ACCSL: variants seen among roughly 807,000 people sequenced by gnomAD.
ACCSL encodes 1-aminocyclopropane-1-carboxylate synthase homolog (inactive) like, also known as probable inactive 1-aminocyclopropane-1-carboxylate synthase-like protein 2.
In ACCSL, 55 loss-of-function variants were observed where a neutral mutation model predicts 61.7. That is an observed-to-expected ratio of 0.89 (90% CI 0.72 to 1.12). The LOEUF (loss-of-function observed/expected upper bound fraction) is 1.12, where lower values mean the gene tolerates loss of function less well. ACCSL is among the 50% of genes most tolerant of loss of function. The pLI is 0.00. For synonymous variants in ACCSL, 258 were observed against 264.3 expected (o/e 0.98, Z 0.23); for missense variants, 632 against 698.0 (o/e 0.91, Z 1.07).
the ACCSL span, among the ~76,000 whole-genome samples, chr11:44,039,396 C>T: frequency 2.0e-5 from 3 of 152,046 alleles, no homozygotes; most frequent in African/African-American, 7.2e-5. Flanking sequence ...AGTGAAGTAA[C>T]TCAGGAATGG....
the ACCSL span, among the ~76,000 whole-genome samples, chr11:44,016,002 A>G: frequency 6.6e-6 from 1 of 152,186 alleles, no homozygotes; most frequent in African/African-American, 2.4e-5. Flanking sequence ...TCCAATAAAA[A>G]TATTCTTCTT....
At chr11:44,001,853 G>A in the ACCSL span, among the ~76,000 whole-genome samples, 3 of 144,934 alleles carry the variant, frequency 2.1e-5, no homozygotes, top group Admixed American at 2.1e-4. Flanking sequence ...TCCCCGACAG[G>A]CTCCTTCTTC....
the ACCSL span, chr11:43,942,956 G>A: frequency 6.8e-7 from 1 of 1,479,270 alleles, no homozygotes; most frequent in Admixed American, 2.4e-5. Context: ...TTACCAGGCG[G>A]TGATGCCGCA....
At chr11:44,004,995 C>CGGA in the ACCSL span, among the ~76,000 whole-genome samples, 3 of 152,138 alleles carry the variant, frequency 2.0e-5, no homozygotes, top group African/African-American at 7.2e-5. Flanking sequence ...ATATGTTTTT[C>CGGA]GGAGGCCCAC....
the ACCSL span, among the ~76,000 whole-genome samples, chr11:43,929,930 G>A: frequency 3.3e-5 from 5 of 152,228 alleles, no homozygotes; most frequent in African/African-American, 9.6e-5. Flanking sequence ...GGGAAAGGGA[G>A]GACCCAGCCT....
At chr11:43,928,459 C>T in the ACCSL span, among the ~76,000 whole-genome samples, 1 of 152,202 alleles carries the variant, frequency 6.6e-6, no homozygotes, top group Non-Finnish European at 1.5e-5. Context: ...TCCATGACCA[C>T]AGTCAGACTT....
chr11:43,933,907 A>G, the ACCSL span, among the ~76,000 whole-genome samples: 1 of 152,240 alleles, frequency 6.6e-6, no homozygotes, highest in South Asian at 2.1e-4. Context: ...CAGCCCTGCC[A>G]TGGCAGCCGC....
chr11:43,985,665 C>T, the ACCSL span, among the ~76,000 whole-genome samples: 2 of 152,180 alleles, frequency 1.3e-5, no homozygotes, highest in African/African-American at 4.8e-5. Context: ...ACATGGCAAA[C>T]AGGAAAAGAG....
At chr11:44,022,655 G>A in the ACCSL span, among the ~76,000 whole-genome samples, 2 of 152,048 alleles carry the variant, frequency 1.3e-5, no homozygotes, top group Non-Finnish European at 2.9e-5. Flanking sequence ...ATTTTTGGAT[G>A]TTAACACAAT....
At chr11:43,943,820 A>G in the ACCSL span, 1 of 1,301,856 alleles carries the variant, frequency 7.7e-7, no homozygotes, top group Non-Finnish European at 1.0e-6. This position sits in a 1 kb window ranked among gnomAD's most constrained non-coding sequence, Gnocchi z 4.8. Context: ...CGATCTTTTT[A>G]CCTGGATATG....
At chr11:43,953,480 C>T in the ACCSL span, among the ~76,000 whole-genome samples, 57 of 145,310 alleles carry the variant, frequency 3.9e-4, 1 homozygote, top group African/African-American at 1.3e-3. Flanking sequence ...AAGATCACAC[C>T]ATTGCACTCC....
chr11:44,054,816 G>A (rs1453557777), intron 8 of ACCSL, among the ~76,000 whole-genome samples: 1 of 152,172 alleles, frequency 6.6e-6, no homozygotes, highest in Non-Finnish European at 1.5e-5. Context: ...GAGAATGAAT[G>A]AGGCACATAA....
the ACCSL span, among the ~76,000 whole-genome samples, chr11:43,951,582 C>T: frequency 2.0e-5 from 3 of 152,148 alleles, no homozygotes; most frequent in African/African-American, 7.2e-5. Context: ...CCAAGAAAAC[C>T]AGGAATAGCA....
At chr11:44,040,815 T>A in the ACCSL span, among the ~76,000 whole-genome samples, 1 of 152,120 alleles carries the variant, frequency 6.6e-6, no homozygotes, top group East Asian at 1.9e-4. Context: ...GGCTCATGGA[T>A]CCCCAAAAGT....
intron 10 of ACCSL, 38 bp from the exon 11 acceptor site, chr11:44,056,147 C>T: frequency 6.2e-7 from 1 of 1,614,172 alleles, no homozygotes; most frequent in Non-Finnish European, 8.5e-7. Flanking sequence ...AGAAGGCAGA[C>T]AAAACACTTG....
chr11:44,058,189 AACAG>A (rs1952683233), intron 11 of ACCSL, 124 bp from the exon 12 acceptor site: 3 of 1,209,164 alleles, frequency 2.5e-6, no homozygotes, highest in Non-Finnish European at 3.4e-6. Flanking sequence ...TTTTTTTAAA[AACAG>A]ACAAACAAAA....
chr11:43,959,619 G>A, the ACCSL span, among the ~76,000 whole-genome samples: 1 of 152,322 alleles, frequency 6.6e-6, no homozygotes, highest in Admixed American at 6.5e-5. Context: ...CCTAGCCCTG[G>A]CTCTACTCTG....
the ACCSL span, among the ~76,000 whole-genome samples, chr11:43,972,469 G>A: frequency 1.3e-5 from 2 of 152,192 alleles, no homozygotes; most frequent in African/African-American, 2.4e-5. Flanking sequence ...ATGTGATTGA[G>A]GTGTTGTTGG....
the ACCSL span, chr11:43,942,930 T>A: frequency 7.0e-7 from 1 of 1,431,394 alleles, no homozygotes; most frequent in Non-Finnish European, 9.1e-7. Context: ...GGCGAGCTGA[T>A]GGGCATCTGC....
Sources: gnomAD v4.1 joint callset for allele counts (sites outside exome capture counted in the v4.1 genomes callset) on GRCh38, gnomAD v4.1.1 for gene constraint, Gnocchi (gnomAD v3.1) non-coding constraint, MANE v1.5 for transcripts, NCBI Gene and HGNC (gene_info 2026-07-23, HGNC 2026-07-21) for gene names.